Variants in PTDSS2 observed in about 807,000 individuals in gnomAD.
The protein encoded by PTDSS2 is phosphatidylserine synthase 2.
A neutral mutation model predicts 64.7 loss-of-function variants in PTDSS2; 41 were observed. That is an observed-to-expected ratio of 0.63 (90% CI 0.49 to 0.82). The LOEUF (loss-of-function observed/expected upper bound fraction) is 0.82. Ranked by LOEUF, PTDSS2 falls within the 40% of genes least tolerant of loss-of-function variation. PTDSS2 has a pLI of 0.00. For synonymous variants in PTDSS2, 297 were observed against 277.8 expected (o/e 1.07, Z -0.69); for missense variants, 485 against 650.0 (o/e 0.75, Z 2.76).
At position 490,421 on chromosome 11, in the gene PTDSS2, GA is replaced by G. The variant is rs762810305; in HGVS notation, c.1304del (p.Asp435AlafsTer4). On this transcript the variant is annotated frameshift_variant and splice_region_variant, in exon 12 of 12. Coordinates refer to ENST00000308020, the MANE Select transcript of PTDSS2 (RefSeq NM_030783.3). LOFTEE classifies it low-confidence loss of function (END_TRUNC). ...TWTVWRFFLR[D>X]ITLRYKETRW... is the part of the protein sequence containing the mutation. ...GTGACGCTGCATCCCGCTCCCCAGG[GA>G]CATCACATTGAGGTACAAGGAGACC... The G allele has an allele frequency of 3.7e-6, 6 of 1,613,268 alleles. No homozygotes were observed. In the East Asian group the frequency reaches 1.3e-4, roughly 36 times the overall value.
intron 1 of PTDSS2, 121 bp downstream of exon 1, chr11:450,758 G>A: frequency 2.3e-6 from 2 of 887,544 alleles, no homozygotes; most frequent in African/African-American, 1.7e-5. Flanking sequence ...GACTGTGGCC[G>A]GGGGTTTGAG....
At chr11:485,482 CT>C (rs900727939) in intron 4 of PTDSS2, among the ~76,000 whole-genome samples, 3 of 140,496 alleles carry the variant, frequency 2.1e-5, no homozygotes, top group Admixed American at 1.4e-4. Context: ...TGTGTGCTCA[CT>C]GTGCAGGCGA....
rs373364850 is a variant in PTDSS2, at chr11:477,799, C to T, written c.368-1286C>T. On this transcript the variant is annotated intron_variant, in intron 3 of 11. Transcript: ENST00000308020. ...GGCGAGGGCTGCCCCGAGTTAATTT[C>T]ACCACGAGCCCCTCAAACTCTTGGG... Among the ~76,000 whole-genome samples, 9 of 152,366 alleles carry T rather than the reference C, an allele frequency of 5.9e-5. No individual in the cohort carries two copies. In the South Asian group the frequency reaches 1.2e-3, roughly 21 times the overall value.
chr11:485,241 C>T lies in PTDSS2; in HGVS notation c.436-1698C>T, dbSNP rs552316669. On this transcript the variant is annotated intron_variant, in intron 4 of 11. Coordinates refer to ENST00000308020, the MANE Select transcript of PTDSS2 (RefSeq NM_030783.3). Reference sequence around the variant, plus strand: ...TGTGCGCAGGCGAGTGTAAACTGCACGGGCGCGTGTGTGCTCACTGCGCAG... The same window carrying T: ...TGTGCGCAGGCGAGTGTAAACTGCATGGGCGCGTGTGTGCTCACTGCGCAG... Among the ~76,000 whole-genome samples, 48 of 138,704 alleles carry T rather than the reference C, an allele frequency of 3.5e-4. No homozygotes were observed. In the East Asian group the frequency reaches 4.4e-3, roughly 13 times the overall value. The allele number at this position is 138,704 out of a possible 152,430, so 91.0% of individuals were successfully genotyped here.
At chr11:484,135 C>A in intron 4 of PTDSS2, among the ~76,000 whole-genome samples, 1 of 152,212 alleles carries the variant, frequency 6.6e-6, no homozygotes, top group Non-Finnish European at 1.5e-5. Flanking sequence ...AGATACTTGT[C>A]TTACACTTGC....
intron 2 of PTDSS2, among the ~76,000 whole-genome samples, chr11:469,751 C>T (rs1181129337): frequency 6.6e-6 from 1 of 152,058 alleles, no homozygotes; most frequent in East Asian, 1.9e-4. Flanking sequence ...TCCTAGTGCC[C>T]TCCAGTCCAC....
chr11:490,771 C>CGTGTGTACGTGTGTATGCGT lies in PTDSS2; in HGVS notation c.*199_*218dup, dbSNP rs1554958677. 30,587 of 596,744 alleles carry CGTGTGTACGTGTGTATGCGT rather than the reference C, an allele frequency of 0.051. 1,018 individuals are homozygous for CGTGTGTACGTGTGTATGCGT. Among genetic ancestry groups the CGTGTGTACGTGTGTATGCGT allele is most frequent in the Non-Finnish European group, 0.069 (23,449 of 340,850 alleles). 37.0% of individuals were successfully genotyped at this position (596,744 alleles called of 1,614,324 possible). A position where few individuals can be genotyped will look rare whatever the true frequency, so the allele number is the denominator to read the frequency against. On this transcript the variant is annotated 3_prime_UTR_variant, in exon 12 of 12. Coordinates refer to ENST00000308020, the MANE Select transcript of PTDSS2 (RefSeq NM_030783.3). ...GCACAGCCTCATCTCCATGTGTACA[C>CGTGTGTACGTGTGTATGCGT]GTGTGTACGTGTGTATGCGTGTGTG...
rs1436896642 is a variant in PTDSS2, at chr11:470,453, A to G, written c.285-3442A>G. Among the ~76,000 whole-genome samples the G allele has an allele frequency of 6.6e-6, 1 of 152,026 alleles. No individual in the cohort carries two copies. The highest frequency in any genetic ancestry group is 1.5e-5 in the Non-Finnish European group (1 of 68,004). Reference sequence around the variant, plus strand: ...TCGGGGAGCCTGAAGAGACAGAACGAGTAGATGCCATGTGGCTTCCAGGAA... The same window carrying G: ...TCGGGGAGCCTGAAGAGACAGAACGGGTAGATGCCATGTGGCTTCCAGGAA... On this transcript the variant is annotated intron_variant, in intron 2 of 11. Transcript: ENST00000308020. The surrounding 1 kb of genome is among the most constrained non-coding windows in gnomAD (Gnocchi z 5.3).
chr11:488,891 G>A (rs748353106), intron 8 of PTDSS2, among the ~76,000 whole-genome samples: 18 of 152,356 alleles, frequency 1.2e-4, no homozygotes, highest in South Asian at 2.1e-4. Flanking sequence ...CCGGCCTGGC[G>A]CAGGGGCTGT....
intron 11 of PTDSS2, 113 bp downstream of exon 11, chr11:490,181 C>G: frequency 8.0e-7 from 1 of 1,255,968 alleles, no homozygotes. Flanking sequence ...TGCTTCAACC[C>G]TCTGGCCGCC....
intron 4 of PTDSS2, among the ~76,000 whole-genome samples, chr11:481,420 G>A (rs1388652921): frequency 2.0e-5 from 3 of 152,158 alleles, no homozygotes; most frequent in Non-Finnish European, 4.4e-5. Flanking sequence ...GGATTGCATC[G>A]AATCTGCAAG....
At chr11:466,401 CTTTTTTTTTTT>C (rs1226254389) in intron 2 of PTDSS2, among the ~76,000 whole-genome samples, 4 of 120,800 alleles carry the variant, frequency 3.3e-5, no homozygotes, top group African/African-American at 9.4e-5. Context: ...AACTGCCACT[CTTTTTTTTTTT>C]TTTTTTTTTT....
chr11:472,145 G>T (rs1275789219), intron 2 of PTDSS2, among the ~76,000 whole-genome samples: 1 of 152,148 alleles, frequency 6.6e-6, no homozygotes, highest in African/African-American at 2.4e-5. Context: ...CGCCTGCACC[G>T]GGAGCAGCTT....
chr11:451,258 C>T, intron 1 of PTDSS2: 1 of 374,782 alleles, frequency 2.7e-6, no homozygotes, highest in African/African-American at 2.1e-5. Flanking sequence ...CCTAGCTACA[C>T]CTTGGGGTCC....
At chr11:469,623 TA>T (rs746477997) in intron 2 of PTDSS2, among the ~76,000 whole-genome samples, 4 of 152,026 alleles carry the variant, frequency 2.6e-5, no homozygotes, top group Non-Finnish European at 5.9e-5. Context: ...CAAAGATGGT[TA>T]AACAGTGTGT....
chr11:467,923 G>C (rs1424551988), intron 2 of PTDSS2, among the ~76,000 whole-genome samples: 1 of 152,148 alleles, frequency 6.6e-6, no homozygotes, highest in Non-Finnish European at 1.5e-5. Flanking sequence ...GATCGCTTGA[G>C]CCCAGGAGTT....
intron 1 of PTDSS2, chr11:451,319 G>A: frequency 2.4e-6 from 1 of 423,974 alleles, no homozygotes; most frequent in Middle Eastern, 3.7e-4. Flanking sequence ...AGAGGCCCCC[G>A]GGAGCAGCTG....
intron 4 of PTDSS2, among the ~76,000 whole-genome samples, chr11:482,963 A>G (rs1180083151): frequency 7.3e-6 from 1 of 137,678 alleles, no homozygotes. Context: ...AGATCTCCCT[A>G]CCGAGTGCAG....
chr11:464,684 C>T (rs773637188), intron 2 of PTDSS2, among the ~76,000 whole-genome samples: 3 of 152,232 alleles, frequency 2.0e-5, no homozygotes, highest in Non-Finnish European at 4.4e-5. Flanking sequence ...GACACGGCAC[C>T]GTTCACTGAT....
Sources: allele counts gnomAD v4.1 joint callset (sites outside exome capture counted in the v4.1 genomes callset), GRCh38; gene constraint gnomAD v4.1.1; non-coding constraint Gnocchi (gnomAD v3.1); transcripts MANE v1.5; gene names NCBI Gene and HGNC (gene_info 2026-07-23, HGNC 2026-07-21).